The following DAB2IP variants were observed in gnomAD, a reference collection of about 807,000 sequenced individuals.
The protein encoded by DAB2IP is disabled homolog 2-interacting protein.
In DAB2IP, 28 loss-of-function variants were observed where a neutral mutation model predicts 107.2. That is an observed-to-expected ratio of 0.26 (90% CI 0.19 to 0.36). The LOEUF (loss-of-function observed/expected upper bound fraction) is 0.36, where lower values mean the gene tolerates loss of function less well. Among genes scored for constraint, DAB2IP ranks in the 10% least tolerant of loss-of-function variants. The pLI, the probability that DAB2IP is intolerant of heterozygous loss-of-function variation, is 1.00. For synonymous variants in DAB2IP, 755 were observed against 706.4 expected, an observed-to-expected ratio of 1.07 and a Z score of -1.09; for missense variants, 1,400 against 1,644.7, an observed-to-expected ratio of 0.85 and a Z score of 2.57.
chr9:121,756,894 A>C, intron 3 of DAB2IP, 119 bp from the exon 4 acceptor site: 1 of 1,324,882 alleles, frequency 7.5e-7, no homozygotes. Flanking sequence ...GAAAGGAGAG[A>C]GAGTGGAGAG....
chr9:121,763,091 T>A (rs1000629813), intron 6 of DAB2IP, among the ~76,000 whole-genome samples: 1 of 152,210 alleles, frequency 6.6e-6, no homozygotes, highest in Non-Finnish European at 1.5e-5. Flanking sequence ...ATTCTTACCA[T>A]GAGACAGGGC....
chr9:121,767,570 A>G (rs543576969), intron 9 of DAB2IP, among the ~76,000 whole-genome samples: 3 of 152,102 alleles, frequency 2.0e-5, no homozygotes, highest in South Asian at 2.1e-4. Context: ...AGGTCAGGAG[A>G]AGCGGGCGAT....
chr9:121,571,760 G>A (rs1179924476), intron 1 of DAB2IP, among the ~76,000 whole-genome samples: 1 of 152,104 alleles, frequency 6.6e-6, no homozygotes, highest in Non-Finnish European at 1.5e-5. Flanking sequence ...GCAGGACTGA[G>A]CAGAGCCCTA....
At chr9:121,692,877 G>A (rs545200386) in intron 2 of DAB2IP, among the ~76,000 whole-genome samples, 16 of 152,368 alleles carry the variant, frequency 1.1e-4, no homozygotes, top group South Asian at 6.2e-4. Context: ...AACAGGGAAG[G>A]GGAGGGCAGG....
At chr9:121,724,160 C>T (rs898861621) in intron 3 of DAB2IP, among the ~76,000 whole-genome samples, 1 of 152,082 alleles carries the variant, frequency 6.6e-6, no homozygotes, top group East Asian at 1.9e-4. Context: ...GACCCTGCAC[C>T]GAGCCCTAGA....
At chr9:121,775,996 C>T (rs904224765) in intron 13 of DAB2IP, among the ~76,000 whole-genome samples, 2 of 152,218 alleles carry the variant, frequency 1.3e-5, no homozygotes, top group Non-Finnish European at 2.9e-5. Context: ...GGAGGCCCCA[C>T]GGTGGGGCAC....
chr9:121,571,692 T>A (rs538139233), intron 1 of DAB2IP, among the ~76,000 whole-genome samples: 1 of 152,108 alleles, frequency 6.6e-6, no homozygotes, highest in South Asian at 2.1e-4. Context: ...AGCCATGGCA[T>A]GGTGGGGGAT....
intron 3 of DAB2IP, among the ~76,000 whole-genome samples, chr9:121,717,418 A>G (rs953609945): frequency 3.9e-5 from 6 of 152,274 alleles, no homozygotes; most frequent in Non-Finnish European, 7.3e-5. Context: ...TTTTCGGTGC[A>G]GTTTTACAGA....
At chr9:121,756,758 G>A (rs987596729) in intron 3 of DAB2IP, among the ~76,000 whole-genome samples, 8 of 152,236 alleles carry the variant, frequency 5.3e-5, no homozygotes, top group East Asian at 1.9e-4. Flanking sequence ...TATTAACCCC[G>A]GAGTGGCGCC....
rs1431506182 is a variant in DAB2IP at position 121,599,264 on chromosome 9, G to C, written c.40+32036G>C. On this transcript the variant is annotated intron_variant, in intron 1 of 16. Coordinates refer to the DAB2IP transcript ENST00000259371. This position sits in a 1 kb window ranked among gnomAD's most constrained non-coding sequence, Gnocchi z 6.9. ...TTATCTCTGGACTCCTGGAGGCCTG[G>C]GGACTCCGGGAGGGGAGGGGGCGTG... is the stretch of plus-strand genomic sequence containing the variant. Among the ~76,000 whole-genome samples, 1 of 152,178 alleles carries C rather than the reference G, an allele frequency of 6.6e-6. No individual in the cohort carries two copies. The highest frequency in any genetic ancestry group is 1.5e-5 in the Non-Finnish European group (1 of 68,014).
chr9:121,667,603 G>T (rs1428707916), intron 1 of DAB2IP, among the ~76,000 whole-genome samples: 1 of 151,978 alleles, frequency 6.6e-6, no homozygotes, highest in East Asian at 1.9e-4. Context: ...TGATTCTCCT[G>T]CCTCAGCCTC....
chr9:121,699,349 G>A lies in DAB2IP; in HGVS notation c.253G>A (p.Gly85Ser). The A allele has an allele frequency of 6.8e-7, 1 of 1,473,856 alleles. No individual in the cohort carries two copies. The highest frequency in any genetic ancestry group is 9.1e-7 in the Non-Finnish European group (1 of 1,101,814). The allele number at this position is 1,473,856 out of a possible 1,614,324, so 91.3% of individuals were successfully genotyped here. A position where few individuals can be genotyped will look rare whatever the true frequency, so the allele number is the denominator to read the frequency against. Residue 85 changes from glycine to serine, a missense_variant, in exon 3 of 16, where the codon GGC becomes AGC. Gly to Ser is a moderately conservative substitution (Grantham distance 56). Coordinates refer to ENST00000408936, the Ensembl canonical transcript of DAB2IP. This position sits in a 1 kb window ranked among gnomAD's most constrained non-coding sequence, Gnocchi z 6.2. Reference sequence around the variant, plus strand: ...GGGCTTCCTCAGCCGCCGCCTCAAGGGCTCCATCAAGCGCACCAAGAGCCA... The same window carrying A: ...GGGCTTCCTCAGCCGCCGCCTCAAGAGCTCCATCAAGCGCACCAAGAGCCA...
At chr9:121,764,703 G>A (rs558177530) in intron 8 of DAB2IP, among the ~76,000 whole-genome samples, 9 of 152,236 alleles carry the variant, frequency 5.9e-5, no homozygotes, top group Admixed American at 5.2e-4. Context: ...CCAAGCCTCC[G>A]TCCACAGCCT....
intron 3 of DAB2IP, among the ~76,000 whole-genome samples, chr9:121,754,847 T>TG (rs1307368549): frequency 6.6e-6 from 1 of 152,124 alleles, no homozygotes; most frequent in Non-Finnish European, 1.5e-5. Flanking sequence ...AGCTCATTCA[T>TG]GCGCCCCAGG....
At chr9:121,686,082 G>T (rs1006727445) in intron 2 of DAB2IP, among the ~76,000 whole-genome samples, 1 of 152,216 alleles carries the variant, frequency 6.6e-6, no homozygotes, top group African/African-American at 2.4e-5. Context: ...AGAGTCTGGA[G>T]CTCCTTCAGT....
intron 1 of DAB2IP, chr9:121,567,370 GCA>G (rs1829829813): frequency 5.6e-6 from 7 of 1,241,148 alleles, no homozygotes; most frequent in Non-Finnish European, 8.0e-6. Context: ...CCATGGGTGG[GCA>G]TGGGTGCGTT....
chr9:121,618,151 G>T (rs1397133540), intron 1 of DAB2IP, among the ~76,000 whole-genome samples: 1 of 152,072 alleles, frequency 6.6e-6, no homozygotes, highest in Non-Finnish European at 1.5e-5. Flanking sequence ...GGCCCAAATG[G>T]ATTACGATGG....
intron 3 of DAB2IP, among the ~76,000 whole-genome samples, chr9:121,715,235 C>T (rs888340022): frequency 1.3e-5 from 2 of 152,212 alleles, no homozygotes; most frequent in Non-Finnish European, 1.5e-5. Context: ...GGTTATAGGA[C>T]TCTAGAAAGG....
chr9:121,773,392 C>T (rs1186415489), exon 12 of DAB2IP: 9 of 1,595,746 alleles, frequency 5.6e-6, no homozygotes, highest in Admixed American at 3.4e-5. Context: ...ACCCTGGCGT[C>T]GGCCTCACCT....
Sources: allele counts gnomAD v4.1 joint callset (sites outside exome capture counted in the v4.1 genomes callset), GRCh38; gene constraint gnomAD v4.1.1; non-coding constraint Gnocchi (gnomAD v3.1); transcripts MANE v1.5; gene names NCBI Gene and HGNC (gene_info 2026-07-23, HGNC 2026-07-21).